Variants in OSBPL10 observed in about 807,000 individuals in gnomAD.
The protein encoded by OSBPL10 is oxysterol-binding protein-related protein 10.
OSBPL10 carries 49 observed loss-of-function variants against 81.7 expected under a neutral mutation model. The observed-to-expected ratio is 0.60, with a 90% CI of 0.48 to 0.76. The LOEUF is 0.76. Among genes scored for constraint, OSBPL10 ranks in the 30% least tolerant of loss-of-function variants. The pLI is 0.00. For missense variants in OSBPL10, 923 were observed against 987.8 expected (o/e 0.93, Z 0.88); for synonymous variants, 419 against 383.6 (o/e 1.09, Z -1.08).
chr3:31,923,184 T>C (rs1055630111), intron 1 of OSBPL10, among the ~76,000 whole-genome samples: 1 of 152,100 alleles, frequency 6.6e-6, no homozygotes, highest in Non-Finnish European at 1.5e-5. Flanking sequence ...AGCCAAATCC[T>C]ACAAAAAGCT....
chr3:31,728,013 T>C (rs1696862703), intron 6 of OSBPL10, among the ~76,000 whole-genome samples: 1 of 152,206 alleles, frequency 6.6e-6, no homozygotes, highest in Non-Finnish European at 1.5e-5. Context: ...AGCTAAATCT[T>C]TTATATCAGT....
chr3:31,851,541 G>A (rs757503003), intron 3 of OSBPL10, among the ~76,000 whole-genome samples: 7 of 152,206 alleles, frequency 4.6e-5, no homozygotes, highest in Non-Finnish European at 7.3e-5. Context: ...CAGGGCCAAG[G>A]CTCTGCCAGT....
chr3:31,977,438 C>T (rs897718701), intron 1 of OSBPL10, among the ~76,000 whole-genome samples: 3 of 152,176 alleles, frequency 2.0e-5, no homozygotes, highest in Non-Finnish European at 4.4e-5. Context: ...ATAAGTGTCA[C>T]TTCCCTTCCT....
intron 1 of OSBPL10, among the ~76,000 whole-genome samples, chr3:31,894,825 G>A (rs1455257147): frequency 2.0e-5 from 3 of 152,100 alleles, no homozygotes; most frequent in Non-Finnish European, 2.9e-5. Context: ...GTTTTTAGTC[G>A]GACACAACAT....
chr3:31,715,745 T>C (rs904258307), intron 6 of OSBPL10, among the ~76,000 whole-genome samples: 17 of 152,248 alleles, frequency 1.1e-4, no homozygotes, highest in Non-Finnish European at 2.2e-4. Context: ...CACTGGTCCA[T>C]GCCGAGACTA....
intron 7 of OSBPL10, among the ~76,000 whole-genome samples, chr3:31,694,295 C>T (rs1472902573): frequency 1.5e-5 from 2 of 131,036 alleles, no homozygotes; most frequent in Non-Finnish European, 3.1e-5. Flanking sequence ...CACTTGAACT[C>T]GGGAGGCAGA....
At chr3:31,903,787 A>T (rs1044399511) in intron 1 of OSBPL10, among the ~76,000 whole-genome samples, 1 of 152,138 alleles carries the variant, frequency 6.6e-6, no homozygotes, top group Non-Finnish European at 1.5e-5. Flanking sequence ...GAAAAATAAG[A>T]GTATATAAAA....
chr3:31,909,958 C>T (rs1696525890), intron 1 of OSBPL10, among the ~76,000 whole-genome samples: 1 of 150,220 alleles, frequency 6.7e-6, no homozygotes, highest in South Asian at 2.1e-4. Flanking sequence ...GTAAGACAAT[C>T]ATTTTGCATC....
intron 4 of OSBPL10, among the ~76,000 whole-genome samples, chr3:31,800,443 T>C (rs557471704): frequency 6.6e-6 from 1 of 152,346 alleles, no homozygotes; most frequent in Non-Finnish European, 1.5e-5. Flanking sequence ...GGCCCTGGCA[T>C]GATGGGCCAT....
chr3:31,855,527 G>C (rs1283929498), intron 3 of OSBPL10, among the ~76,000 whole-genome samples: 1 of 152,080 alleles, frequency 6.6e-6, no homozygotes, highest in Non-Finnish European at 1.5e-5. Context: ...GTACATATTT[G>C]TCTGTTGGAT....
chr3:31,715,707 A>AC (rs1696409918), intron 6 of OSBPL10, among the ~76,000 whole-genome samples: 1 of 152,242 alleles, frequency 6.6e-6, no homozygotes, highest in Non-Finnish European at 1.5e-5. Flanking sequence ...AAGGAATTCT[A>AC]CTACCGATGA....
intron 6 of OSBPL10, among the ~76,000 whole-genome samples, chr3:31,715,540 A>G (rs909266670): frequency 6.6e-6 from 1 of 152,238 alleles, no homozygotes; most frequent in Non-Finnish European, 1.5e-5. Flanking sequence ...GGTAATAGAA[A>G]GTTCAGTGGG....
chr3:31,682,040 C>G (rs1218417598), intron 8 of OSBPL10, among the ~76,000 whole-genome samples: 2 of 152,186 alleles, frequency 1.3e-5, no homozygotes, highest in African/African-American at 4.8e-5. Flanking sequence ...TTCTCTCACA[C>G]TCCACATCCC....
At chr3:31,712,882 C>T (rs1425256405) in intron 6 of OSBPL10, among the ~76,000 whole-genome samples, 1 of 151,910 alleles carries the variant, frequency 6.6e-6, no homozygotes, top group East Asian at 1.9e-4. Flanking sequence ...TTTTTCTAAT[C>T]ACTTGGCCAA....
chr3:32,037,523 G>C (rs73826061), intron 2 of OSBPL10: 136 of 198,214 alleles, frequency 6.9e-4, no homozygotes, highest in African/African-American at 3.0e-3. Flanking sequence ...AACGAGAAAA[G>C]ATAGGTCATT....
chr3:31,974,382 C>G (rs185488844), intron 1 of OSBPL10, among the ~76,000 whole-genome samples: 10 of 152,244 alleles, frequency 6.6e-5, no homozygotes, highest in Non-Finnish European at 1.5e-5. Context: ...TGAGCAAACA[C>G]TCCTAGGTGT....
intron 1 of OSBPL10, among the ~76,000 whole-genome samples, chr3:32,053,080 T>A (rs1230126978): frequency 6.6e-6 from 1 of 152,214 alleles, no homozygotes; most frequent in Admixed American, 6.5e-5. Context: ...GAGTCAGACC[T>A]TATCTGCACT....
intron 6 of OSBPL10, chr3:31,711,065 A>G (rs557097017): frequency 5.9e-4 from 90 of 152,368 alleles, no homozygotes; most frequent in African/African-American, 2.0e-3. Context: ...CCTGGAGACT[A>G]GTAAGTTTCA....
intron 1 of OSBPL10, among the ~76,000 whole-genome samples, chr3:31,980,262 A>G (rs926031605): frequency 6.6e-6 from 1 of 152,070 alleles, no homozygotes; most frequent in Non-Finnish European, 1.5e-5. Flanking sequence ...TCGGCCTCCC[A>G]AAGTACTGGG....
Sources: allele counts gnomAD v4.1 joint callset (sites outside exome capture counted in the v4.1 genomes callset), GRCh38; gene constraint gnomAD v4.1.1; transcripts MANE v1.5; gene names NCBI Gene and HGNC (gene_info 2026-07-23, HGNC 2026-07-21).